Variants in OSBPL8 observed in about 807,000 individuals in gnomAD.
OSBPL8 encodes the protein oxysterol-binding protein-related protein 8.
Under a neutral mutation model 125.5 loss-of-function variants are expected in OSBPL8, and 59 were observed. The observed-to-expected ratio is 0.47, with a 90% CI of 0.38 to 0.58. OSBPL8 has a LOEUF of 0.58. OSBPL8 is among the 20% of genes least tolerant of loss of function. The probability of loss-of-function intolerance (pLI) is 0.00; values close to 1 mark genes in which losing one functional copy is unlikely to be tolerated. For missense variants in OSBPL8, 758 were observed against 1,047.8 expected, an observed-to-expected ratio of 0.72 and a Z score of 3.82; for synonymous variants, 330 against 338.9, an observed-to-expected ratio of 0.97 and a Z score of 0.29.
chr12:76,378,465 G>A lies in OSBPL8; in HGVS notation c.1716C>T (p.Tyr572=), dbSNP rs139500093. The change falls in exon 16 of 24, where the codon TAC becomes TAT. Residue 572 remains tyrosine, a synonymous_variant. Coordinates refer to ENST00000261183, the MANE Select transcript of OSBPL8 (RefSeq NM_020841.5). ...RGEDYVMTMP[Y]AHCKGILYGT... is the part of the protein sequence containing the mutation. ...GAAAATATTTACCTTTACAATGAGC[G>A]TATGGCATTGTCATTACATAATCTT... is the stretch of plus-strand genomic sequence containing the variant. 75 of 1,583,440 alleles carry A rather than the reference G, an allele frequency of 4.7e-5. No individual in the cohort carries two copies. The highest frequency in any genetic ancestry group is 1.6e-4 in the African/African-American group (12 of 74,228).
intron 12 of OSBPL8, 21 bp from the exon 13 acceptor site, chr12:76,386,681 CAAAAATTTT>C: frequency 6.4e-7 from 1 of 1,550,804 alleles, no homozygotes; most frequent in Non-Finnish European, 8.8e-7. Flanking sequence ...AAACGGTAAA[CAAAAATTTT>C]AAAAAATGTA....
chr12:76,371,450 C>T lies in OSBPL8; in HGVS notation c.2052G>A (p.Glu684=), dbSNP rs778595809. The T allele has an allele frequency of 1.9e-6, 3 of 1,603,400 alleles. No homozygotes were observed. Among genetic ancestry groups the T allele is most frequent in the Non-Finnish European group, 2.6e-6 (3 of 1,175,084 alleles). ...TAGCTGTAAAACAGTATACTTACTT[C>T]TCTGATTCAAAATCTCCCTGTTCTT... ...KFEEQGDFES[E]KLWQRVTRAI... Residue 684 remains glutamate, a splice_region_variant and synonymous_variant, in exon 19 of 24, where the codon GAG becomes GAA. Transcript: ENST00000261183.
chr12:76,368,453 T>G (rs373436621), intron 21 of OSBPL8, among the ~76,000 whole-genome samples: 2 of 151,962 alleles, frequency 1.3e-5, no homozygotes, highest in Non-Finnish European at 2.9e-5. Context: ...ATTTGGGGAT[T>G]GGGGGGTCTT....
intron 1 of OSBPL8, among the ~76,000 whole-genome samples, chr12:76,518,699 T>G (rs1482649290): frequency 6.6e-6 from 1 of 152,198 alleles, no homozygotes; most frequent in African/African-American, 2.4e-5. Flanking sequence ...ACTTGCCCTC[T>G]TAACACCACA....
intron 1 of OSBPL8, among the ~76,000 whole-genome samples, chr12:76,533,604 G>T (rs984934384): frequency 2.0e-5 from 3 of 152,068 alleles, no homozygotes; most frequent in African/African-American, 7.2e-5. Flanking sequence ...ACTTAACAAC[G>T]ATCAGTCTAT....
intron 1 of OSBPL8, among the ~76,000 whole-genome samples, chr12:76,555,624 A>AT (rs1437750381): frequency 6.6e-6 from 1 of 152,230 alleles, no homozygotes; most frequent in Non-Finnish European, 1.5e-5. Flanking sequence ...TTTCACATGC[A>AT]TTATATAACT....
At chr12:76,554,230 CAAGTA>C (rs961143138) in intron 1 of OSBPL8, among the ~76,000 whole-genome samples, 17 of 151,804 alleles carry the variant, frequency 1.1e-4, no homozygotes, top group Non-Finnish European at 2.4e-4. Context: ...CAGTCAAATA[CAAGTA>C]AAATGAGAGA....
intron 15 of OSBPL8, among the ~76,000 whole-genome samples, chr12:76,379,620 A>G (rs1035507732): frequency 2.0e-5 from 3 of 152,196 alleles, no homozygotes; most frequent in African/African-American, 7.2e-5. Context: ...GCATTATAGA[A>G]TATGTAGCTT....
chr12:76,400,045 A>G (rs1953983764), intron 6 of OSBPL8, 71 bp from the exon 7 acceptor site: 1 of 1,168,572 alleles, frequency 8.6e-7, no homozygotes, highest in Non-Finnish European at 1.2e-6. Context: ...GTTCAGGGGT[A>G]CAAATGCAGG....
At chr12:76,474,849 C>T (rs772091369) in intron 2 of OSBPL8, among the ~76,000 whole-genome samples, 1 of 152,176 alleles carries the variant, frequency 6.6e-6, no homozygotes, top group Non-Finnish European at 1.5e-5. Flanking sequence ...AAATTCATCA[C>T]CCAATCCCCA....
chr12:76,451,074 C>T lies in OSBPL8; in HGVS notation c.80-86G>A, dbSNP rs369703920. ...TTAATAACATGGAATAAGATCAAAACTGAAATGGCCTTGGTGGTTATATTC... is the reference window on the plus strand; with the variant it reads ...TTAATAACATGGAATAAGATCAAAATTGAAATGGCCTTGGTGGTTATATTC... On this transcript the variant is annotated intron_variant, in intron 3 of 23. Coordinates refer to ENST00000261183, the MANE Select transcript of OSBPL8 (RefSeq NM_020841.5). The T allele has an allele frequency of 2.0e-5, 27 of 1,363,096 alleles. No individual in the cohort carries two copies. In the East Asian group the frequency reaches 2.8e-4, roughly 14 times the overall value. The allele number at this position is 1,363,096 out of a possible 1,614,324, so 84.4% of individuals were successfully genotyped here.
chr12:76,534,678 A>C (rs936386861), intron 1 of OSBPL8, among the ~76,000 whole-genome samples: 23 of 152,204 alleles, frequency 1.5e-4, no homozygotes, highest in Non-Finnish European at 2.9e-4. Flanking sequence ...ACACACAAGC[A>C]ATGAGGTCAA....
At chr12:76,394,506 T>C (rs993867011) in intron 9 of OSBPL8, 139 bp downstream of exon 9, 1 of 639,428 alleles carries the variant, frequency 1.6e-6, no homozygotes, top group Non-Finnish European at 2.7e-6. Flanking sequence ...ATATTTAGCA[T>C]TCAAAACAAT....
chr12:76,534,480 C>T (rs1050003854), intron 1 of OSBPL8, among the ~76,000 whole-genome samples: 13 of 152,164 alleles, frequency 8.5e-5, no homozygotes, highest in East Asian at 3.9e-4. Context: ...CTACCAATAA[C>T]GGGCTAAAGA....
chr12:76,433,288 C>T (rs1365923004), intron 4 of OSBPL8, among the ~76,000 whole-genome samples: 1 of 152,090 alleles, frequency 6.6e-6, no homozygotes, highest in African/African-American at 2.4e-5. Context: ...ATAAAACTCT[C>T]CCTGTTTGCA....
Position 76,410,710 on chromosome 12 carries a change from C to T in OSBPL8, c.218-76G>A, listed in dbSNP as rs1310900663. On this transcript the variant is annotated intron_variant, in intron 4 of 23. Transcript: ENST00000261183. ...TAAGTCATTCATTTTCAAGTATAGACTATATTTGATATAAATCAGTGCAGG... is the reference window on the plus strand; with the variant it reads ...TAAGTCATTCATTTTCAAGTATAGATTATATTTGATATAAATCAGTGCAGG... 5 of 1,022,034 alleles carry T rather than the reference C, an allele frequency of 4.9e-6. No homozygotes were observed. In the African/African-American group the frequency reaches 7.9e-5, roughly 16 times the overall value. 63.3% of individuals were successfully genotyped at this position (1,022,034 alleles called of 1,614,324 possible).
chr12:76,393,677 C>T (rs1288150470), intron 9 of OSBPL8, among the ~76,000 whole-genome samples: 4 of 128,872 alleles, frequency 3.1e-5, no homozygotes, highest in Admixed American at 9.0e-5. Context: ...CATCACTGCA[C>T]TCCAGCCTGG....
intron 2 of OSBPL8, among the ~76,000 whole-genome samples, chr12:76,472,688 G>C (rs1177283901): frequency 6.6e-6 from 1 of 152,178 alleles, no homozygotes. Context: ...GAGAGAGAGA[G>C]ACAGCTTACA....
chr12:76,387,650 G>A (rs982056699), intron 12 of OSBPL8, among the ~76,000 whole-genome samples: 2 of 152,086 alleles, frequency 1.3e-5, no homozygotes, highest in African/African-American at 2.4e-5. Flanking sequence ...AGGCATTTAC[G>A]TTTCACAAGC....
Sources: allele counts gnomAD v4.1 joint callset (sites outside exome capture counted in the v4.1 genomes callset), GRCh38; gene constraint gnomAD v4.1.1; transcripts MANE v1.5; gene names NCBI Gene and HGNC (gene_info 2026-07-23, HGNC 2026-07-21).